CAMTA1: variants seen among roughly 807,000 people sequenced by gnomAD.
The protein encoded by CAMTA1 is calmodulin binding transcription activator 1, also known as calmodulin-binding transcription activator 1.
Under a neutral mutation model 170.9 loss-of-function variants are expected in CAMTA1, and 27 were observed. That is an observed-to-expected ratio of 0.16 (90% CI 0.12 to 0.22). The LOEUF (loss-of-function observed/expected upper bound fraction) is 0.22, where lower values mean the gene tolerates loss of function less well. Ranked by LOEUF, CAMTA1 falls within the 10% of genes least tolerant of loss-of-function variation. The probability of loss-of-function intolerance (pLI) is 1.00; values close to 1 mark genes in which losing one functional copy is unlikely to be tolerated. For missense variants in CAMTA1, 1,619 were observed against 2,217.2 expected (o/e 0.73, Z 5.42); for synonymous variants, 833 against 891.5 (o/e 0.93, Z 1.17).
intron 3 of CAMTA1, among the ~76,000 whole-genome samples, chr1:6,946,699 A>G (rs189056807): frequency 3.7e-4 from 56 of 152,282 alleles, no homozygotes; most frequent in African/African-American, 1.3e-3. Flanking sequence ...AGTTCTTTAT[A>G]TATTCTAGGT....
Position 7,728,663 on chromosome 1 carries a change from C to T in CAMTA1, c.2915-3785C>T, listed in dbSNP as rs113950547. On this transcript the variant is annotated intron_variant, in intron 11 of 22. Transcript: ENST00000303635. Reference sequence around the variant, plus strand: ...CAATGGTTGTCTGGCTTAGCAGCATCAGGAATAAGCAGAGGAGTTTATAAT... The same window carrying T: ...CAATGGTTGTCTGGCTTAGCAGCATTAGGAATAAGCAGAGGAGTTTATAAT... Among the ~76,000 whole-genome samples, 91 of 152,342 alleles carry T rather than the reference C, an allele frequency of 6.0e-4. 1 individual carries two copies. The Middle Eastern group carries it at 0.01, about 17-fold the overall frequency.
intron 3 of CAMTA1, among the ~76,000 whole-genome samples, chr1:6,893,728 C>A (rs969766120): frequency 2.6e-5 from 4 of 152,158 alleles, no homozygotes; most frequent in African/African-American, 9.7e-5. Context: ...CTTAAGAGAC[C>A]CATAATCCTT....
intron 11 of CAMTA1, among the ~76,000 whole-genome samples, chr1:7,698,075 C>CA (rs1553252921): frequency 5.2e-4 from 4 of 7,724 alleles, no homozygotes; most frequent in East Asian, 6.3e-3. Context: ...CGCACTGTGA[C>CA]CCCCCCCCCC....
chr1:6,801,894 T>A (rs565008769), intron 1 of CAMTA1, among the ~76,000 whole-genome samples: 1 of 152,130 alleles, frequency 6.6e-6, no homozygotes, highest in East Asian at 1.9e-4. Flanking sequence ...ATTTTAATAT[T>A]TGCAATATTT....
intron 6 of CAMTA1, among the ~76,000 whole-genome samples, chr1:7,595,223 A>G (rs2095390381): frequency 6.6e-6 from 1 of 152,214 alleles, no homozygotes; most frequent in Admixed American, 6.5e-5. Flanking sequence ...CCTGTGTCTC[A>G]GATCAAATGT....
intron 5 of CAMTA1, among the ~76,000 whole-genome samples, chr1:7,254,489 C>G (rs568009222): frequency 2.5e-4 from 38 of 152,320 alleles, no homozygotes; most frequent in African/African-American, 8.4e-4. Flanking sequence ...AGAGAACACA[C>G]AGTGTTGCTG....
At chr1:6,827,689 G>A (rs994294374) in intron 3 of CAMTA1, among the ~76,000 whole-genome samples, 1 of 152,152 alleles carries the variant, frequency 6.6e-6, no homozygotes, top group Non-Finnish European at 1.5e-5. Context: ...TGAAGGAAAC[G>A]TAGTTCAGTG....
rs1444300189 is a variant in CAMTA1, at chr1:7,093,697, C to T, written c.302+2326C>T. Among the ~76,000 whole-genome samples, 1 of 152,122 alleles carries T rather than the reference C, an allele frequency of 6.6e-6. No homozygotes were observed. The highest frequency in any genetic ancestry group is 1.5e-5 in the Non-Finnish European group (1 of 68,012). ...TCAGGGTCATGCCTGACTCGCATGA[C>T]TTTCTGGAATATACATAGAGCCAAG... is the stretch of plus-strand genomic sequence containing the variant. On this transcript the variant is annotated intron_variant, in intron 4 of 22. Coordinates refer to ENST00000303635, the MANE Select transcript of CAMTA1 (RefSeq NM_015215.4). The surrounding 1 kb of genome is among the most constrained non-coding windows in gnomAD (Gnocchi z 4.6).
chr1:7,724,478 G>T (rs1169823901), intron 11 of CAMTA1, among the ~76,000 whole-genome samples: 1 of 152,130 alleles, frequency 6.6e-6, no homozygotes, highest in African/African-American at 2.4e-5. Flanking sequence ...CCATAGATGG[G>T]GCTGGGCAGA....
intron 5 of CAMTA1, among the ~76,000 whole-genome samples, chr1:7,431,667 AAG>A (rs2092163611): frequency 6.6e-6 from 1 of 152,148 alleles, no homozygotes; most frequent in Admixed American, 6.5e-5. Context: ...GGCGCCGCTC[AAG>A]CATACCCCAG....
At chr1:7,595,082 C>A (rs2150517394) in intron 6 of CAMTA1, among the ~76,000 whole-genome samples, 1 of 152,274 alleles carries the variant, frequency 6.6e-6, no homozygotes, top group South Asian at 2.1e-4. Flanking sequence ...TTGGATGGAG[C>A]TGATGATGGG....
intron 3 of CAMTA1, among the ~76,000 whole-genome samples, chr1:7,021,239 C>T (rs1005009291): frequency 7.9e-5 from 12 of 152,100 alleles, no homozygotes; most frequent in Non-Finnish European, 1.3e-4. Context: ...GGCAGGGCCT[C>T]GGCAGTGAAA....
rs560397838 is a variant in CAMTA1, at chr1:7,050,555, T to C, written c.235-40749T>C. 2.0e-5 allele frequency among the ~76,000 whole-genome samples: 3 copies of C among 152,222 alleles called. No individual in the cohort carries two copies. Among genetic ancestry groups the C allele is most frequent in the Admixed American group, 6.5e-5 (1 of 15,292 alleles). On this transcript the variant is annotated intron_variant, in intron 3 of 22. Transcript: ENST00000303635. The surrounding 1 kb of genome is among the most constrained non-coding windows in gnomAD (Gnocchi z 4.8). The stretch of plus-strand genomic sequence containing the variant: ...AGTCACGGGGTAGACTTCAGACTTC[T>C]GCAAACGTCACCTGGCAGTGCCCAG...
At chr1:7,110,884 G>C (rs1397193029) in intron 4 of CAMTA1, among the ~76,000 whole-genome samples, 2 of 152,204 alleles carry the variant, frequency 1.3e-5, no homozygotes, top group African/African-American at 4.8e-5. Context: ...AAACCACTGA[G>C]AACTTAATTG....
At chr1:7,319,860 ATT>A (rs35282935) in intron 5 of CAMTA1, among the ~76,000 whole-genome samples, 24,098 of 149,952 alleles carry the variant, frequency 0.16, 2,494 homozygotes, top group Non-Finnish European at 0.21. Context: ...ATACTAAATC[ATT>A]TTTTTTTTCC....
At chr1:7,394,872 C>CT (rs71582098) in intron 5 of CAMTA1, among the ~76,000 whole-genome samples, 23,284 of 82,558 alleles carry the variant, frequency 0.28, 2,878 homozygotes, top group East Asian at 0.65. Context: ...TGTGGTGTTT[C>CT]TTTTTTTTTC....
chr1:7,330,523 G>A (rs2082962329), intron 5 of CAMTA1, among the ~76,000 whole-genome samples: 2 of 152,162 alleles, frequency 1.3e-5, no homozygotes, highest in African/African-American at 4.8e-5. Context: ...GGAACCAGGA[G>A]CACCCACATG....
rs530758703 is a variant in CAMTA1 at position 7,305,241 on chromosome 1, A to T, written c.438+55615A>T. On this transcript the variant is annotated intron_variant, in intron 5 of 22. Coordinates refer to ENST00000303635, the MANE Select transcript of CAMTA1 (RefSeq NM_015215.4). Reference sequence around the variant, plus strand: ...CTGTTTATCCACATTTGATTGCCACACTCTTAATTATTGTAGTTTTCTAAT... The same window carrying T: ...CTGTTTATCCACATTTGATTGCCACTCTCTTAATTATTGTAGTTTTCTAAT... Among the ~76,000 whole-genome samples, 19 of 152,100 alleles carry T rather than the reference A, an allele frequency of 1.2e-4. No individual in the cohort carries two copies. The East Asian group carries it at 2.7e-3, about 22-fold the overall frequency.
intron 5 of CAMTA1, among the ~76,000 whole-genome samples, chr1:7,392,129 AAG>A (rs2088781309): frequency 6.6e-6 from 1 of 152,186 alleles, no homozygotes; most frequent in Non-Finnish European, 1.5e-5. Flanking sequence ...AGGAATATAT[AAG>A]AGTTTTAGTT....
Sources: gnomAD v4.1 joint callset for allele counts (sites outside exome capture counted in the v4.1 genomes callset) on GRCh38, gnomAD v4.1.1 for gene constraint, Gnocchi (gnomAD v3.1) non-coding constraint, MANE v1.5 for transcripts, NCBI Gene and HGNC (gene_info 2026-07-23, HGNC 2026-07-21) for gene names.